The following FAM90A20 variants were observed in gnomAD, a reference collection of about 807,000 sequenced individuals.
FAM90A20 encodes the protein protein FAM90A20.
the FAM90A20 span, chr8:7,297,627 C>T: frequency 7.1e-7 from 1 of 1,416,480 alleles, no homozygotes; most frequent in Non-Finnish European, 9.6e-7. Flanking sequence ...AATCTCCAAC[C>T]TCCACCAGCC....
the FAM90A20 span, chr8:7,295,976 G>A: frequency 1.5e-5 from 8 of 524,738 alleles, no homozygotes; most frequent in East Asian, 9.5e-5. Flanking sequence ...CGTGTCCTCC[G>A]GGGTTCCACA....
the FAM90A20 span, chr8:7,297,410 A>T: frequency 6.5e-7 from 1 of 1,549,010 alleles, no homozygotes; most frequent in Non-Finnish European, 8.7e-7. Flanking sequence ...GGCACAAGAC[A>T]AACGTCCTGC....
At chr8:7,295,651 G>A in the FAM90A20 span, 4 of 692,036 alleles carry the variant, frequency 5.8e-6, 1 homozygote, top group East Asian at 8.1e-5. Context: ...AAAACTGCGG[G>A]GCCTTTGGCC....
At chr8:7,295,906 C>A in the FAM90A20 span, 7 of 603,338 alleles carry the variant, frequency 1.2e-5, no homozygotes, top group African/African-American at 9.5e-5. Context: ...ACCTGCACAC[C>A]GTGTGCCTTT....
chr8:7,296,871 G>C, the FAM90A20 span, among the ~76,000 whole-genome samples: 1 of 136,866 alleles, frequency 7.3e-6, no homozygotes, highest in South Asian at 2.2e-4. Context: ...CACATAGCTC[G>C]ATAGCGCATC....
the FAM90A20 span, chr8:7,297,673 G>A: frequency 1.2e-5 from 17 of 1,392,914 alleles, 1 homozygote; most frequent in African/African-American, 4.3e-5. Context: ...CGCCCCAGAT[G>A]GGCAGGAGGA....
chr8:7,297,705 T>C, the FAM90A20 span: 5 of 1,454,206 alleles, frequency 3.4e-6, 1 homozygote, highest in African/African-American at 4.1e-5. Context: ...GTGCCCAGCG[T>C]TGAACGGCAG....
the FAM90A20 span, chr8:7,296,339 C>G: frequency 1.3e-6 from 1 of 744,258 alleles, no homozygotes; most frequent in Non-Finnish European, 2.4e-6. Context: ...TCCGGGAAAC[C>G]TCCAGAGAAG....
the FAM90A20 span, chr8:7,297,642 C>T: frequency 7.1e-7 from 1 of 1,407,894 alleles, no homozygotes; most frequent in Non-Finnish European, 9.7e-7. Flanking sequence ...CCAGCCGCAA[C>T]CGAACTTGGA....
At chr8:7,297,104 C>T in the FAM90A20 span, 9 of 1,501,176 alleles carry the variant, frequency 6.0e-6, no homozygotes, top group Admixed American at 3.4e-5. Flanking sequence ...CTGTAAGAGG[C>T]CGCGCATGGA....
At chr8:7,297,419 G>A in the FAM90A20 span, 2 of 1,553,628 alleles carry the variant, frequency 1.3e-6, no homozygotes, top group South Asian at 1.1e-5. Flanking sequence ...CAAACGTCCT[G>A]CGGTGACCTC....
At chr8:7,297,396 C>T in the FAM90A20 span, 1 of 1,533,916 alleles carries the variant, frequency 6.5e-7, no homozygotes, top group Non-Finnish European at 8.8e-7. Flanking sequence ...GCCGTCAGAA[C>T]CCAGGCACAA....
the FAM90A20 span, among the ~76,000 whole-genome samples, chr8:7,296,812 T>G: frequency 7.3e-5 from 10 of 136,330 alleles, 3 homozygotes; most frequent in African/African-American, 2.8e-4. Context: ...TTGATCCAGT[T>G]AATGCCCAAG....
At chr8:7,296,249 A>T in the FAM90A20 span, 1 of 688,566 alleles carries the variant, frequency 1.5e-6, no homozygotes, top group Middle Eastern at 3.8e-4. Flanking sequence ...TCTCCTGGGG[A>T]AAACCAGGGG....
the FAM90A20 span, chr8:7,297,391 C>G: frequency 2.6e-5 from 40 of 1,525,850 alleles, 1 homozygote; most frequent in Non-Finnish European, 3.4e-5. Flanking sequence ...TCCAGGCCGT[C>G]AGAACCCAGG....
chr8:7,295,681 G>A, the FAM90A20 span: 5 of 725,850 alleles, frequency 6.9e-6, 1 homozygote, highest in Non-Finnish European at 1.2e-5. Context: ...GAAGTACCAG[G>A]TGCCCCATGA....
the FAM90A20 span, chr8:7,296,486 G>A: frequency 5.5e-4 from 362 of 663,984 alleles, 62 homozygotes; most frequent in African/African-American, 3.1e-3. Flanking sequence ...GGAGGAAATC[G>A]GGGAACCCCT....
chr8:7,297,602 C>T, the FAM90A20 span: 7 of 1,474,342 alleles, frequency 4.7e-6, no homozygotes, highest in East Asian at 4.5e-5. Context: ...GGGAGGTGAG[C>T]TGGGGGCCCC....
chr8:7,297,280 C>T, the FAM90A20 span: 4 of 1,370,646 alleles, frequency 2.9e-6, 1 homozygote, highest in East Asian at 2.3e-5. Context: ...CAGTCAGGCA[C>T]CAGGTCCACG....
Sources: allele counts gnomAD v4.1 joint callset (sites outside exome capture counted in the v4.1 genomes callset), GRCh38; gene constraint gnomAD v4.1.1; transcripts MANE v1.5; gene names NCBI Gene and HGNC (gene_info 2026-07-23, HGNC 2026-07-21).